Variants in IL1RAPL2 observed in about 807,000 individuals in gnomAD.
IL1RAPL2 encodes X-linked interleukin-1 receptor accessory protein-like 2.
Under a neutral mutation model 44.1 loss-of-function variants are expected in IL1RAPL2, and 3 were observed. That is an observed-to-expected ratio of 0.07 (90% CI 0.03 to 0.18). The LOEUF is 0.18. Ranked by LOEUF, IL1RAPL2 falls within the 10% of genes least tolerant of loss-of-function variation. The pLI, the probability that IL1RAPL2 is intolerant of heterozygous loss-of-function variation, is 1.00. For missense variants in IL1RAPL2, 391 were observed against 496.4 expected (o/e 0.79, Z 2.02); for synonymous variants, 181 against 178.8 (o/e 1.01, Z -0.10).
At chrX:105,195,935 T>C (rs2033669069) in intron 3 of IL1RAPL2, among the ~76,000 whole-genome samples, 187 bp downstream of exon 3, 1 of 111,737 alleles carries the variant, frequency 8.9e-6, no homozygotes, top group Non-Finnish European at 1.9e-5. Context: ...TCCTATTAGA[T>C]TTTCATAAAA....
chrX:105,205,877 G>A (rs959517578), intron 3 of IL1RAPL2, among the ~76,000 whole-genome samples: 1 of 110,493 alleles, frequency 9.1e-6, no homozygotes, highest in African/African-American at 3.3e-5. Flanking sequence ...GGACTACAGG[G>A]GGAGAAGCAA....
In IL1RAPL2 at chrX:105,358,047, A is replaced by G. The variant is rs923029981; in HGVS notation, c.697+90506A>G. Among the ~76,000 whole-genome samples, 444 of 103,463 alleles carry G rather than the reference A, an allele frequency of 4.3e-3. 6 individuals carry two copies. The highest frequency in any genetic ancestry group is 0.015 in the African/African-American group (424 of 28,172). 89.8% of individuals were successfully genotyped at this position (103,463 alleles called of 115,157 possible). A position where few individuals can be genotyped will look rare whatever the true frequency, so the allele number is the denominator to read the frequency against. On this transcript the variant is annotated intron_variant, in intron 5 of 10. Transcript: ENST00000372582. ...GCAATATCCTATTTCTAAAAAAAAA[A>G]AAAAAAAAAAAAAAAAAAAGTTTGC... is the stretch of plus-strand genomic sequence containing the variant.
intron 2 of IL1RAPL2, among the ~76,000 whole-genome samples, chrX:105,192,213 G>A (rs1556137682): frequency 8.9e-6 from 1 of 112,288 alleles, no homozygotes; most frequent in African/African-American, 3.2e-5. Flanking sequence ...CTGGAAGTAT[G>A]GCATGTGATT....
At chrX:105,345,983 G>A (rs2035107433) in intron 5 of IL1RAPL2, among the ~76,000 whole-genome samples, 1 of 111,581 alleles carries the variant, frequency 9.0e-6, no homozygotes, top group Non-Finnish European at 1.9e-5. Context: ...CTTGAGAGAG[G>A]AAGATATTAT....
intron 2 of IL1RAPL2, among the ~76,000 whole-genome samples, chrX:104,796,537 C>A (rs747354617): frequency 8.0e-5 from 9 of 112,025 alleles, no homozygotes; most frequent in African/African-American, 2.6e-4. Flanking sequence ...TTCCTGCACC[C>A]CTAATCTATG....
intron 2 of IL1RAPL2, among the ~76,000 whole-genome samples, chrX:105,001,039 A>C (rs373195283): frequency 3.6e-5 from 4 of 111,464 alleles, no homozygotes; most frequent in African/African-American, 1.3e-4. Context: ...TCCTTCTTCT[A>C]TTCTGCCTCT....
Position 105,054,317 on chromosome X carries a change from AT to A in IL1RAPL2, c.83-141149del, listed in dbSNP as rs755007699. 5.0e-3 allele frequency among the ~76,000 whole-genome samples: 552 copies of A among 110,352 alleles called. 2 individuals are homozygous for A. The highest frequency in any genetic ancestry group is 0.016 in the South Asian group (42 of 2,564). Reference sequence around the variant, plus strand: ...CAGATAGTGGCCCTAGCAAGGATGCATTTTTTTTTCATCATGAGTAAAATGA... The same window carrying A: ...CAGATAGTGGCCCTAGCAAGGATGCATTTTTTTTCATCATGAGTAAAATGA... On this transcript the variant is annotated intron_variant, in intron 2 of 10. Transcript: ENST00000372582.
chrX:105,511,448 A>G (rs1428000928), intron 6 of IL1RAPL2, among the ~76,000 whole-genome samples: 1 of 111,392 alleles, frequency 9.0e-6, no homozygotes, highest in Non-Finnish European at 1.9e-5. Context: ...GAGCTCTTAT[A>G]GACCTAGCCC....
intron 2 of IL1RAPL2, among the ~76,000 whole-genome samples, chrX:104,763,710 T>C (rs942550212): frequency 4.5e-5 from 5 of 111,209 alleles, no homozygotes; most frequent in African/African-American, 1.6e-4. Context: ...GAAAAGCCAC[T>C]TATAAAACCA....
At chrX:105,026,351 C>T (rs2031372381) in intron 2 of IL1RAPL2, among the ~76,000 whole-genome samples, 1 of 110,170 alleles carries the variant, frequency 9.1e-6, no homozygotes. Context: ...CTCTAATGAG[C>T]ATTTCCTTTG....
intron 2 of IL1RAPL2, among the ~76,000 whole-genome samples, chrX:104,808,804 C>T (rs184591783): frequency 9.9e-5 from 11 of 111,476 alleles, no homozygotes; most frequent in South Asian, 3.8e-4. Context: ...AGTTGTTGAA[C>T]GCTGGCAGTT....
chrX:105,525,179 A>G (rs374511989), intron 6 of IL1RAPL2, among the ~76,000 whole-genome samples: 7 of 111,192 alleles, frequency 6.3e-5, no homozygotes, highest in South Asian at 7.6e-4. Context: ...GAATGTATCA[A>G]TCCTTTTTAG....
chrX:105,475,374 C>A (rs2036190961), intron 5 of IL1RAPL2, among the ~76,000 whole-genome samples: 2 of 111,069 alleles, frequency 1.8e-5, no homozygotes, highest in Non-Finnish European at 3.8e-5. Context: ...TTAGACATCA[C>A]TATCTAGGCC....
chrX:105,436,399 A>T (rs1348207988), intron 5 of IL1RAPL2, among the ~76,000 whole-genome samples: 2 of 111,902 alleles, frequency 1.8e-5, no homozygotes, highest in Non-Finnish European at 1.9e-5. Flanking sequence ...AATAATTATT[A>T]CACATTAATC....
chrX:105,732,340 G>A (rs191437455), intron 7 of IL1RAPL2, among the ~76,000 whole-genome samples: 2 of 111,088 alleles, frequency 1.8e-5, no homozygotes, highest in African/African-American at 6.5e-5. Context: ...GCTGGTGGGA[G>A]GTGATTGGAT....
intron 2 of IL1RAPL2, among the ~76,000 whole-genome samples, chrX:104,793,813 A>G (rs768548628): frequency 2.7e-5 from 3 of 111,719 alleles, no homozygotes; most frequent in Admixed American, 1.9e-4. Flanking sequence ...GTAACTTACC[A>G]TGAGCACCTT....
chrX:104,571,399 C>T (rs1209067739), intron 1 of IL1RAPL2, among the ~76,000 whole-genome samples: 1 of 111,627 alleles, frequency 9.0e-6, no homozygotes, highest in Non-Finnish European at 1.9e-5. Flanking sequence ...TATGGTTTGG[C>T]TGCGTCCCCA....
intron 2 of IL1RAPL2, among the ~76,000 whole-genome samples, chrX:105,033,145 AC>A (rs1224712644): frequency 9.0e-6 from 1 of 111,434 alleles, no homozygotes; most frequent in African/African-American, 3.3e-5. Context: ...TTTCCTGAAT[AC>A]AGCATACTGA....
chrX:104,882,063 A>G (rs1923084492), intron 2 of IL1RAPL2, among the ~76,000 whole-genome samples: 1 of 112,533 alleles, frequency 8.9e-6, no homozygotes, highest in African/African-American at 3.2e-5. Flanking sequence ...GCTTCTCTTT[A>G]TGGAATACTT....
Sources: allele counts gnomAD v4.1 joint callset (sites outside exome capture counted in the v4.1 genomes callset), GRCh38; gene constraint gnomAD v4.1.1; transcripts MANE v1.5; gene names NCBI Gene and HGNC (gene_info 2026-07-23, HGNC 2026-07-21).